Variants in ANKRD28 observed in about 807,000 individuals in gnomAD.
ANKRD28 encodes serine/threonine-protein phosphatase 6 regulatory ankyrin repeat subunit A.
ANKRD28 carries 44 observed loss-of-function variants against 126.5 expected under a neutral mutation model. The ratio of observed to expected loss-of-function variants is 0.35; its 90% confidence interval spans 0.27 to 0.45. The LOEUF is 0.45. Ranked by LOEUF, ANKRD28 falls within the 20% of genes least tolerant of loss-of-function variation. The pLI is 1.00. For missense variants in ANKRD28, 1,110 were observed against 1,316.6 expected, an observed-to-expected ratio of 0.84 and a Z score of 2.43; for synonymous variants, 442 against 468.5, an observed-to-expected ratio of 0.94 and a Z score of 0.73.
rs183805863 is a variant in ANKRD28, at chr3:15,668,364, T to C, written c.*1906A>G. ...TTTTAGAATCTGCTTGATTTTTTTTTTTTTCAAAAGGTACAATAGAAAATG... is the reference window on the plus strand; with the variant it reads ...TTTTAGAATCTGCTTGATTTTTTTTCTTTTCAAAAGGTACAATAGAAAATG... On this transcript the variant is annotated 3_prime_UTR_variant, in exon 28 of 28. Transcript: ENST00000683139. 1.8e-4 allele frequency: 27 copies of C among 152,450 alleles called. No homozygotes were observed. The highest frequency in any genetic ancestry group is 5.9e-4 in the Admixed American group (9 of 15,262). The allele number at this position is 152,450 out of a possible 1,614,324, so 9.4% of individuals were successfully genotyped here.
At chr3:15,799,547 A>G (rs1486090222), upstream of ANKRD28, among the ~76,000 whole-genome samples, 1 of 152,122 alleles carries the variant, frequency 6.6e-6, no homozygotes, top group Non-Finnish European at 1.5e-5. Flanking sequence ...CAATTATGTT[A>G]TCCATCTCCA....
intron 3 of ANKRD28, among the ~76,000 whole-genome samples, chr3:15,764,201 AGAGC>A (rs2125531269): frequency 6.6e-6 from 1 of 152,330 alleles, no homozygotes; most frequent in African/African-American, 2.4e-5. Flanking sequence ...CCTGGGCGAC[AGAGC>A]GAGATTCTGT....
intron 3 of ANKRD28, among the ~76,000 whole-genome samples, chr3:15,758,032 C>A (rs572240631): frequency 1.0e-3 from 159 of 152,232 alleles, no homozygotes; most frequent in Middle Eastern, 3.4e-3. Flanking sequence ...AAAACGTTAG[C>A]CAACCTCTGA....
chr3:15,689,954 A>G, intron 18 of ANKRD28, 65 bp downstream of exon 18: 1 of 1,382,654 alleles, frequency 7.2e-7, no homozygotes, highest in Non-Finnish European at 9.7e-7. Flanking sequence ...AATATTATAT[A>G]TCAGAAATTG....
chr3:15,742,019 G>A (rs1324070212), intron 4 of ANKRD28, among the ~76,000 whole-genome samples: 18 of 152,300 alleles, frequency 1.2e-4, no homozygotes, highest in East Asian at 7.7e-4. Context: ...GATTGCAGAC[G>A]GAGTCTGGTT....
At chr3:15,759,983 C>T (rs1229915696) in intron 3 of ANKRD28, among the ~76,000 whole-genome samples, 2 of 152,088 alleles carry the variant, frequency 1.3e-5, no homozygotes, top group East Asian at 1.9e-4. Context: ...AAAAAAGAGA[C>T]CAAGAAGGCA....
At position 15,786,395 on chromosome 3, in the gene ANKRD28, T is replaced by C. The variant is rs143217580; in HGVS notation, c.201+8828A>G. Among the ~76,000 whole-genome samples the C allele has an allele frequency of 3.5e-4, 53 of 152,148 alleles. 1 individual carries two copies. In the East Asian group the frequency reaches 9.9e-3, roughly 28 times the overall value. ...AAAGCCAGACCAAAAAAATGACATA[T>C]TGTGTAATTCCATTTATATAACACT... On this transcript the variant is annotated intron_variant, in intron 2 of 27. Coordinates refer to ENST00000683139, the MANE Select transcript of ANKRD28 (RefSeq NM_001349278.2).
chr3:15,854,103 A>G lies in ANKRD28; in HGVS notation c.27+5274T>C, dbSNP rs1376343705. Among the ~76,000 whole-genome samples the G allele has an allele frequency of 6.6e-6, 1 of 152,192 alleles. No individual in the cohort carries two copies. Among genetic ancestry groups the G allele is most frequent in the Non-Finnish European group, 1.5e-5 (1 of 68,044 alleles). On this transcript the variant is annotated intron_variant, in intron 1 of 27. Coordinates refer to the ANKRD28 transcript ENST00000399451. The surrounding 1 kb of genome is among the most constrained non-coding windows in gnomAD (Gnocchi z 4.1). ...AATGGTTATCTAACTTTCAGTGATC[A>G]TGGACCCCTCTGAGGATCCATACCT...
intron 3 of ANKRD28, 90 bp from the exon 4 acceptor site, chr3:15,751,910 T>C: frequency 7.1e-6 from 6 of 844,520 alleles, no homozygotes; most frequent in South Asian, 2.1e-5. Flanking sequence ...ATAATCCAAA[T>C]TGGATAAATG....
chr3:15,842,529 G>C (rs2061444626), intron 1 of ANKRD28, among the ~76,000 whole-genome samples: 2 of 152,058 alleles, frequency 1.3e-5, no homozygotes, highest in Non-Finnish European at 1.5e-5. Flanking sequence ...GCACATCAGG[G>C]TGACTATAGT....
At chr3:15,735,357 G>T in intron 6 of ANKRD28, 53 bp downstream of exon 6, 2 of 1,390,272 alleles carry the variant, frequency 1.4e-6, no homozygotes, top group Non-Finnish European at 9.8e-7. Context: ...AACTTGAAAT[G>T]TACAACTTTT....
chr3:15,689,874 G>T, intron 18 of ANKRD28, 145 bp downstream of exon 18: 1 of 670,828 alleles, frequency 1.5e-6, no homozygotes, highest in Non-Finnish European at 2.4e-6. Context: ...AAAGTTATTT[G>T]GTGAGGTCAA....
In ANKRD28 at chr3:15,683,975, C is replaced by G. The variant is rs1250210143; in HGVS notation, c.2389+1251G>C. On this transcript the variant is annotated intron_variant, in intron 21 of 27. Transcript: ENST00000683139. ...TATATAAAGAGACAACTTATATTTT[C>G]TCTGCATTTTGAGGGAAGGTTATTA... is the stretch of plus-strand genomic sequence containing the variant. The G allele has an allele frequency of 2.6e-5, 4 of 152,262 alleles. No individual in the cohort carries two copies. In the East Asian group the frequency reaches 7.7e-4, roughly 29 times the overall value. The allele number at this position is 152,262 out of a possible 1,614,324, so 9.4% of individuals were successfully genotyped here. A position where few individuals can be genotyped will look rare whatever the true frequency, so the allele number is the denominator to read the frequency against.
At position 15,845,135 on chromosome 3, in the gene ANKRD28, C is replaced by T. The variant is rs1575812831; in HGVS notation, c.27+14242G>A. On this transcript the variant is annotated intron_variant, in intron 1 of 27. Coordinates refer to the ANKRD28 transcript ENST00000399451. The surrounding 1 kb of genome is among the most constrained non-coding windows in gnomAD (Gnocchi z 4.9). ...TCCAATCACCTCCCACAAGGTCCCA[C>T]CTCCAACACTGGGGATTATAACTAG... Among the ~76,000 whole-genome samples the T allele has an allele frequency of 6.6e-6, 1 of 152,168 alleles. No homozygotes were observed. The highest frequency in any genetic ancestry group is 1.9e-4 in the East Asian group (1 of 5,198).
At chr3:15,693,718 A>G (rs2069132282) in intron 17 of ANKRD28, among the ~76,000 whole-genome samples, 1 of 152,104 alleles carries the variant, frequency 6.6e-6, no homozygotes. Context: ...TTTACTATGC[A>G]TGTCTGGGAG....
chr3:15,721,254 G>A, intron 7 of ANKRD28, 127 bp from the exon 8 acceptor site: 1 of 754,722 alleles, frequency 1.3e-6, no homozygotes, highest in Middle Eastern at 4.0e-4. Flanking sequence ...GATAAGTACA[G>A]AGATAAGGCT....
At position 15,797,711 on chromosome 3, in the gene ANKRD28, A is replaced by T; in HGVS notation, c.-1190T>A. On this transcript the variant is annotated 5_prime_UTR_variant, in exon 1 of 28. It removes an upstream start codon present in the reference 5' UTR. Transcript: ENST00000683139. ...TTTGAGCCAACTACTTTATTCAGTCATCTGCCTCTTTGCCAATATAGTTTC... is the reference window on the plus strand; with the variant it reads ...TTTGAGCCAACTACTTTATTCAGTCTTCTGCCTCTTTGCCAATATAGTTTC... 11 of 985,422 alleles carry T rather than the reference A, an allele frequency of 1.1e-5. No individual in the cohort carries two copies. The highest frequency in any genetic ancestry group is 1.3e-5 in the Non-Finnish European group (11 of 829,926). The allele number at this position is 985,422 out of a possible 1,614,324, so 61.0% of individuals were successfully genotyped here.
In ANKRD28 at chr3:15,854,223, G is replaced by C. The variant is rs772051378; in HGVS notation, c.27+5154C>G. Among the ~76,000 whole-genome samples, 3 of 152,160 alleles carry C rather than the reference G, an allele frequency of 2.0e-5. No individual in the cohort carries two copies. The highest frequency in any genetic ancestry group is 6.5e-5 in the Admixed American group (1 of 15,278). On this transcript the variant is annotated intron_variant, in intron 1 of 27. Coordinates refer to the ANKRD28 transcript ENST00000399451. This position sits in a 1 kb window ranked among gnomAD's most constrained non-coding sequence, Gnocchi z 4.1. The stretch of plus-strand genomic sequence containing the variant: ...CAATGAAGTCCAAACTTCTCAGCCT[G>C]GGATTCAAAGTACTTAATGTAGTCA...
intron 1 of ANKRD28, 48 bp downstream of exon 1, chr3:15,796,357 C>A: frequency 9.2e-7 from 1 of 1,092,654 alleles, no homozygotes; most frequent in South Asian, 1.7e-5. Flanking sequence ...AAGATTTATA[C>A]TACTAGTTCA....
Sources: allele counts gnomAD v4.1 joint callset (sites outside exome capture counted in the v4.1 genomes callset), GRCh38; gene constraint gnomAD v4.1.1; non-coding constraint Gnocchi (gnomAD v3.1); transcripts MANE v1.5; gene names NCBI Gene and HGNC (gene_info 2026-07-23, HGNC 2026-07-21).